The following DPP10 variants were observed in gnomAD, a reference collection of about 807,000 sequenced individuals.
DPP10 encodes inactive dipeptidyl peptidase 10.
Under a neutral mutation model 120.9 loss-of-function variants are expected in DPP10, and 33 were observed. The observed-to-expected ratio is 0.27, with a 90% CI of 0.21 to 0.37. The LOEUF (loss-of-function observed/expected upper bound fraction) is 0.37. Among genes scored for constraint, DPP10 ranks in the 10% least tolerant of loss-of-function variants. The probability of loss-of-function intolerance (pLI) is 1.00; values close to 1 mark genes in which losing one functional copy is unlikely to be tolerated. For synonymous variants in DPP10, 337 were observed against 326.1 expected (o/e 1.03, Z -0.36); for missense variants, 816 against 942.8 (o/e 0.87, Z 1.76).
intron 21 of DPP10, among the ~76,000 whole-genome samples, chr2:115,823,531 A>G (rs1688016457): frequency 6.6e-6 from 1 of 152,206 alleles, no homozygotes; most frequent in Non-Finnish European, 1.5e-5. Flanking sequence ...AAGGTCAAAC[A>G]AAGTCTTTAG....
chr2:114,882,542 A>G (rs982080312), intron 1 of DPP10, among the ~76,000 whole-genome samples: 1 of 152,132 alleles, frequency 6.6e-6, no homozygotes, highest in African/African-American at 2.4e-5. Flanking sequence ...AGGGGAGGTG[A>G]GGGCTAAATG....
chr2:115,602,387 A>T (rs1026374688), intron 5 of DPP10, among the ~76,000 whole-genome samples: 1 of 152,190 alleles, frequency 6.6e-6, no homozygotes, highest in Non-Finnish European at 1.5e-5. Flanking sequence ...TCTTTTAAAG[A>T]CCTTACAATC....
intron 1 of DPP10, among the ~76,000 whole-genome samples, chr2:114,809,953 A>G (rs1477158637): frequency 2.0e-5 from 3 of 152,106 alleles, no homozygotes; most frequent in Non-Finnish European, 4.4e-5. Context: ...CCTATACTCA[A>G]AACTCCAATT....
intron 1 of DPP10, among the ~76,000 whole-genome samples, chr2:115,213,782 C>G (rs2056656935): frequency 6.6e-6 from 1 of 152,172 alleles, no homozygotes; most frequent in East Asian, 1.9e-4. Context: ...TGGCAGGTAT[C>G]TGATTCCTAA....
At chr2:115,468,433 G>T in intron 3 of DPP10, 1 of 464,238 alleles carries the variant, frequency 2.2e-6, no homozygotes, top group South Asian at 1.6e-5. Flanking sequence ...AATAATCCCA[G>T]GGCTGGCCAC....
chr2:114,768,842 C>T (rs945988208), intron 1 of DPP10, among the ~76,000 whole-genome samples: 3 of 152,170 alleles, frequency 2.0e-5, no homozygotes, highest in Admixed American at 2.0e-4. Context: ...ATTGAATGTT[C>T]CATATTTTCA....
chr2:114,768,368 A>G (rs1271303716), intron 1 of DPP10, among the ~76,000 whole-genome samples: 7 of 152,336 alleles, frequency 4.6e-5, no homozygotes, highest in Non-Finnish European at 7.4e-5. Context: ...GTGTGTAAGC[A>G]AATATAACAG....
intron 5 of DPP10, among the ~76,000 whole-genome samples, chr2:115,655,523 T>G (rs916962586): frequency 6.6e-6 from 1 of 151,630 alleles, no homozygotes; most frequent in Admixed American, 6.6e-5. Flanking sequence ...TTGTATTTAT[T>G]TACATCTAAT....
intron 3 of DPP10, among the ~76,000 whole-genome samples, chr2:115,379,740 C>G (rs910119113): frequency 1.3e-5 from 2 of 152,098 alleles, no homozygotes; most frequent in African/African-American, 2.4e-5. Flanking sequence ...CCCAGAGATT[C>G]TGGTATGTTG....
In DPP10 at chr2:115,678,493, T is replaced by A. The variant is rs568823487; in HGVS notation, c.442-11194T>A. On this transcript the variant is annotated intron_variant, in intron 5 of 25. Transcript: ENST00000410059. ...TGTTCATAAGATAAGAATTGAGGTTTGGGAACCTCTGCCTAGATTTCAGAG... is the reference window on the plus strand; with the variant it reads ...TGTTCATAAGATAAGAATTGAGGTTAGGGAACCTCTGCCTAGATTTCAGAG... Among the ~76,000 whole-genome samples, 3 of 152,342 alleles carry A rather than the reference T, an allele frequency of 2.0e-5. No homozygotes were observed. In the South Asian group the frequency reaches 6.2e-4, roughly 32 times the overall value.
intron 3 of DPP10, among the ~76,000 whole-genome samples, chr2:115,345,751 A>G (rs1250496713): frequency 6.6e-6 from 1 of 152,186 alleles, no homozygotes; most frequent in Non-Finnish European, 1.5e-5. Context: ...TAAGTAGTGA[A>G]CTGCATGCTA....
chr2:114,458,605 G>A (rs1419671156), intron 1 of DPP10, among the ~76,000 whole-genome samples: 2 of 152,110 alleles, frequency 1.3e-5, no homozygotes, highest in South Asian at 2.1e-4. Context: ...CCAGCTTGCC[G>A]CTTTTAGCAA....
chr2:114,808,387 A>G (rs752082865), intron 1 of DPP10, among the ~76,000 whole-genome samples: 1 of 152,142 alleles, frequency 6.6e-6, no homozygotes, highest in Non-Finnish European at 1.5e-5. Context: ...AGAAATATAC[A>G]TAGGAATATA....
intron 1 of DPP10, among the ~76,000 whole-genome samples, chr2:115,267,427 T>G (rs2059506455): frequency 6.6e-6 from 1 of 152,198 alleles, no homozygotes; most frequent in Non-Finnish European, 1.5e-5. Flanking sequence ...GGACTTGTTT[T>G]TAGGAAGGAA....
At chr2:115,554,474 G>C (rs1294680576) in intron 5 of DPP10, among the ~76,000 whole-genome samples, 1 of 151,578 alleles carries the variant, frequency 6.6e-6, no homozygotes, top group Non-Finnish European at 1.5e-5. Context: ...ACTGATTTGG[G>C]GTAGATGCAC....
intron 3 of DPP10, among the ~76,000 whole-genome samples, chr2:115,498,369 G>T (rs2076512355): frequency 6.6e-6 from 1 of 152,054 alleles, no homozygotes; most frequent in Non-Finnish European, 1.5e-5. Context: ...AGAAAATCTT[G>T]TTCTGCCAAA....
At chr2:115,794,124 A>G (rs1684286942) in intron 19 of DPP10, among the ~76,000 whole-genome samples, 1 of 152,212 alleles carries the variant, frequency 6.6e-6, no homozygotes, top group Admixed American at 6.5e-5. Context: ...GTGATAAACA[A>G]TAGAGCGACT....
intron 1 of DPP10, among the ~76,000 whole-genome samples, chr2:114,778,529 C>A (rs956392348): frequency 6.6e-6 from 1 of 151,950 alleles, no homozygotes; most frequent in African/African-American, 2.4e-5. Flanking sequence ...CTCTTTTTCA[C>A]GCAATTATTT....
intron 1 of DPP10, among the ~76,000 whole-genome samples, chr2:115,029,303 G>C (rs570506606): frequency 6.6e-6 from 1 of 151,944 alleles, no homozygotes; most frequent in Admixed American, 6.6e-5. Context: ...AATTATTACT[G>C]TTTTCGATAG....
Sources: gnomAD v4.1 joint callset for allele counts (sites outside exome capture counted in the v4.1 genomes callset) on GRCh38, gnomAD v4.1.1 for gene constraint, MANE v1.5 for transcripts, NCBI Gene and HGNC (gene_info 2026-07-23, HGNC 2026-07-21) for gene names.